The following TNR variants were observed in gnomAD, a reference collection of about 807,000 sequenced individuals.
TNR encodes tenascin-R.
In TNR, 45 loss-of-function variants were observed where a neutral mutation model predicts 150.4. That is an observed-to-expected ratio of 0.30 (90% CI 0.24 to 0.38). The LOEUF (loss-of-function observed/expected upper bound fraction) is 0.38, where lower values mean the gene tolerates loss of function less well. Among genes scored for constraint, TNR ranks in the 10% least tolerant of loss-of-function variants. The pLI, the probability that TNR is intolerant of heterozygous loss-of-function variation, is 1.00. For synonymous variants in TNR, 687 were observed against 678.4 expected (o/e 1.01, Z -0.20); for missense variants, 1,544 against 1,759.1 (o/e 0.88, Z 2.19).
chr1:175,651,556 T>C lies in TNR; in HGVS notation c.-165+91670A>G, dbSNP rs185338423. ...ACTTCAAAAAATATATAAAATATAT[T>C]ATTATTACAGATATTATAATGGTAA... On this transcript the variant is annotated intron_variant, in intron 1 of 22. Transcript: ENST00000367674. Among the ~76,000 whole-genome samples the C allele has an allele frequency of 7.4e-3, 1,124 of 152,062 alleles. 5 individuals are homozygous for C. The highest frequency in any genetic ancestry group is 0.013 in the Non-Finnish European group (885 of 67,978).
intron 1 of TNR, among the ~76,000 whole-genome samples, chr1:175,736,520 CA>C (rs1057090593): frequency 4.5e-4 from 64 of 142,522 alleles, no homozygotes; most frequent in Admixed American, 4.9e-4. Flanking sequence ...GACTCTATCT[CA>C]AAAAAAAAAA....
intron 1 of TNR, among the ~76,000 whole-genome samples, chr1:175,584,414 T>C (rs578105066): frequency 6.6e-6 from 1 of 152,292 alleles, no homozygotes; most frequent in East Asian, 1.9e-4. Context: ...AGAAAGAGCA[T>C]GGGCCTGCTG....
chr1:175,331,146 C>CTTTT (rs1649873369), intron 20 of TNR, among the ~76,000 whole-genome samples: 3 of 96,858 alleles, frequency 3.1e-5, no homozygotes, highest in African/African-American at 1.0e-4. Context: ...TTTCTTTCTT[C>CTTTT]CTTTCTTTCT....
In TNR at chr1:175,355,538, C is replaced by T. The variant is rs999980414; in HGVS notation, c.3214G>A (p.Val1072Ile). The T allele has an allele frequency of 1.5e-5, 25 of 1,613,964 alleles. No individual in the cohort carries two copies. The highest frequency in any genetic ancestry group is 1.7e-5 in the Non-Finnish European group (20 of 1,179,938). The change falls in exon 17 of 23, where the codon GTC becomes ATC. Residue 1072 changes from valine to isoleucine, a missense_variant. Transcript: ENST00000367674. ...QPPRAEIENY[V>I]LTYKSTDGSR... ...CCATCGGTGGATTTGTAGGTCAAGACATAATTTTCAATCTCTGCCCTGGGA... is the reference window on the plus strand; with the variant it reads ...CCATCGGTGGATTTGTAGGTCAAGATATAATTTTCAATCTCTGCCCTGGGA...
chr1:175,499,322 A>G (rs536817440), intron 2 of TNR, among the ~76,000 whole-genome samples: 1 of 152,344 alleles, frequency 6.6e-6, no homozygotes, highest in Non-Finnish European at 1.5e-5. Flanking sequence ...TGAGTATTTA[A>G]TATGGGCCAG....
intron 1 of TNR, among the ~76,000 whole-genome samples, chr1:175,719,158 G>A (rs1359694206): frequency 1.3e-5 from 2 of 152,206 alleles, no homozygotes; most frequent in Non-Finnish European, 2.9e-5. Context: ...AAGCATGGGT[G>A]AGAAAAGGCC....
At chr1:175,361,808 C>T (rs1157421712) in intron 14 of TNR, among the ~76,000 whole-genome samples, 1 of 152,158 alleles carries the variant, frequency 6.6e-6, no homozygotes, top group Non-Finnish European at 1.5e-5. Context: ...TTTGGCTGTG[C>T]CTGCTAGTGA....
chr1:175,576,833 C>A (rs1383788932), intron 1 of TNR, among the ~76,000 whole-genome samples: 2 of 152,196 alleles, frequency 1.3e-5, no homozygotes, highest in African/African-American at 2.4e-5. Flanking sequence ...AATAAGGCTC[C>A]TCTTCCTCTG....
chr1:175,363,804 T>C lies in TNR; in HGVS notation c.2611A>G (p.Thr871Ala), dbSNP rs1413590603. ...GAGTCCTTGGTCACATTGCTAATTG[T>C]GATGTCTTTTGGGGGATCAATTCCT... ...TTGIDPPKDI[T>A]ISNVTKDSVM... Residue 871 changes from threonine (T) to alanine (A), a missense_variant, in exon 13 of 23, where the codon ACA becomes GCA. By Grantham distance (58) the Thr-to-Ala change is moderately conservative (BLOSUM62 0). This residue lies in a region of TNR where 1,254 missense variants were observed against 1,329.4 expected (regional missense o/e 0.94). Transcript: ENST00000367674. 6.2e-7 allele frequency: 1 copy of C among 1,613,350 alleles called. No individual in the cohort carries two copies. Among genetic ancestry groups the C allele is most frequent in the Non-Finnish European group, 8.5e-7 (1 of 1,179,668 alleles).
At chr1:175,345,950 T>C (rs1650758804) in intron 18 of TNR, among the ~76,000 whole-genome samples, 1 of 152,142 alleles carries the variant, frequency 6.6e-6, no homozygotes, top group Non-Finnish European at 1.5e-5. Context: ...GCAGATCACC[T>C]ACAAAAGAAC....
rs7519325 is a variant in TNR, at chr1:175,321,573, C to T, written c.*1784G>A. On this transcript the variant is annotated 3_prime_UTR_variant, in exon 23 of 23. Coordinates refer to ENST00000367674, the MANE Select transcript of TNR (RefSeq NM_003285.3). The stretch of plus-strand genomic sequence containing the variant: ...ACAGCTCAGGGAACTGGGCATGGAT[C>T]TGGGCAGATGTTGCGGGGATGGTTG... 0.75 allele frequency: 114,711 copies of T among 152,448 alleles called. 43,344 individuals are homozygous for T. The highest frequency in any genetic ancestry group is 0.81 in the African/African-American group (33,438 of 41,500). The allele number at this position is 152,448 out of a possible 1,614,324, so 9.4% of individuals were successfully genotyped here.
rs73035450 is a variant in TNR, at chr1:175,700,580, G to A, written c.-165+42646C>T. Among the ~76,000 whole-genome samples, 688 of 152,262 alleles carry A rather than the reference G, an allele frequency of 4.5e-3. 6 individuals are homozygous for A. The highest frequency in any genetic ancestry group is 9.8e-3 in the African/African-American group (408 of 41,546). Reference sequence around the variant, plus strand: ...TCTGTGCCTTTGGAGACGGTGCACCGTGTATGCCCACTGCCAAGCTCATGT... The same window carrying A: ...TCTGTGCCTTTGGAGACGGTGCACCATGTATGCCCACTGCCAAGCTCATGT... On this transcript the variant is annotated intron_variant, in intron 1 of 22. Transcript: ENST00000367674.
intron 1 of TNR, among the ~76,000 whole-genome samples, chr1:175,670,469 A>G (rs1157912970): frequency 6.6e-6 from 1 of 152,218 alleles, no homozygotes; most frequent in Non-Finnish European, 1.5e-5. Context: ...GAGCTCAGAG[A>G]GTTTGGTAAG....
At chr1:175,632,088 G>C (rs1188465150) in intron 1 of TNR, among the ~76,000 whole-genome samples, 1 of 152,198 alleles carries the variant, frequency 6.6e-6, no homozygotes, top group Admixed American at 6.5e-5. Flanking sequence ...TTAGCTCTGT[G>C]GAAGATCTCA....
intron 1 of TNR, among the ~76,000 whole-genome samples, chr1:175,716,929 C>T (rs1181382244): frequency 6.6e-6 from 1 of 152,178 alleles, no homozygotes; most frequent in African/African-American, 2.4e-5. Flanking sequence ...GATGAAAATG[C>T]TCCCTATCCT....
intron 8 of TNR, among the ~76,000 whole-genome samples, chr1:175,384,682 C>A (rs76698238): frequency 0.088 from 13,354 of 152,236 alleles, 699 homozygotes; most frequent in South Asian, 0.13. Context: ...TCCCCTCTCT[C>A]GTGGGACAGG....
At chr1:175,450,490 G>C in intron 2 of TNR, among the ~76,000 whole-genome samples, 1 of 152,234 alleles carries the variant, frequency 6.6e-6, no homozygotes, top group East Asian at 1.9e-4. Context: ...TAAGTTCTCT[G>C]CTCTGGGCTC....
intron 2 of TNR, among the ~76,000 whole-genome samples, chr1:175,504,647 T>G (rs954406758): frequency 3.9e-5 from 6 of 152,060 alleles, no homozygotes; most frequent in Admixed American, 3.3e-4. Context: ...GGCAAGTGAG[T>G]CCTGCTGCTC....
At chr1:175,372,412 G>A (rs16848353) in intron 9 of TNR, among the ~76,000 whole-genome samples, 8,183 of 152,330 alleles carry the variant, frequency 0.054, 316 homozygotes, top group Middle Eastern at 0.18. Context: ...AGTCAGATAA[G>A]TCTTTCCAGA....
Sources: gnomAD v4.1 joint callset for allele counts (sites outside exome capture counted in the v4.1 genomes callset) on GRCh38, gnomAD v4.1.1 for gene constraint, gnomAD v4.1.1 regional missense constraint, MANE v1.5 for transcripts, NCBI Gene and HGNC (gene_info 2026-07-23, HGNC 2026-07-21) for gene names.